The following LRP1B variants were observed in gnomAD, a reference collection of about 807,000 sequenced individuals.
LRP1B encodes the protein low-density lipoprotein receptor-related protein 1B.
Under a neutral mutation model 556.6 loss-of-function variants are expected in LRP1B, and 217 were observed. The observed-to-expected ratio is 0.39, with a 90% CI of 0.35 to 0.44. LRP1B has a LOEUF of 0.44. Among genes scored for constraint, LRP1B ranks in the 20% least tolerant of loss-of-function variants. LRP1B has a pLI of 1.00. For synonymous variants in LRP1B, 2,047 were observed against 1,865.8 expected (o/e 1.10, Z -2.50); for missense variants, 5,053 against 5,620.8 (o/e 0.90, Z 3.23).
intron 43 of LRP1B, among the ~76,000 whole-genome samples, chr2:140,583,618 C>T (rs1681868655): frequency 6.6e-6 from 1 of 151,876 alleles, no homozygotes; most frequent in Non-Finnish European, 1.5e-5. Flanking sequence ...ATCTTACTGA[C>T]TTTAGTTTTA....
chr2:142,037,093 G>T (rs1204526532), intron 1 of LRP1B, among the ~76,000 whole-genome samples: 1 of 151,526 alleles, frequency 6.6e-6, no homozygotes, highest in African/African-American at 2.4e-5. Flanking sequence ...CTTTATTCAC[G>T]TTCATAAATG....
chr2:140,452,385 A>T lies in LRP1B; in HGVS notation c.9964-1724T>A, dbSNP rs1001632100. ...AGCTGCCACTAAAAAAATTCACTTG[A>T]AATTAGTTAAACCAAGCGGTATATA... On this transcript the variant is annotated intron_variant, in intron 62 of 90. Transcript: ENST00000389484. Among the ~76,000 whole-genome samples the T allele has an allele frequency of 2.0e-5, 3 of 152,136 alleles. No homozygotes were observed. In the South Asian group the frequency reaches 6.2e-4, roughly 31 times the overall value.
intron 3 of LRP1B, among the ~76,000 whole-genome samples, chr2:141,476,215 T>C (rs1195245727): frequency 6.6e-6 from 1 of 151,952 alleles, no homozygotes; most frequent in Non-Finnish European, 1.5e-5. Flanking sequence ...GGGAGGGGAG[T>C]CAGGGAACTC....
intron 1 of LRP1B, among the ~76,000 whole-genome samples, chr2:141,937,268 T>C (rs919528876): frequency 2.0e-5 from 3 of 151,596 alleles, no homozygotes; most frequent in Non-Finnish European, 4.4e-5. Context: ...TCCCAGCTAC[T>C]GGGAGAGGCT....
chr2:140,287,634 T>C (rs1446979894), intron 84 of LRP1B, among the ~76,000 whole-genome samples: 1 of 123,722 alleles, frequency 8.1e-6, no homozygotes. Flanking sequence ...TCAAGGGATA[T>C]TGCAAGTAAA....
intron 2 of LRP1B, among the ~76,000 whole-genome samples, chr2:141,689,727 G>A (rs1381414710): frequency 3.3e-5 from 5 of 151,588 alleles, no homozygotes; most frequent in Non-Finnish European, 7.4e-5. Flanking sequence ...CCTTGATAAA[G>A]GTTGTTTAAT....
intron 1 of LRP1B, among the ~76,000 whole-genome samples, chr2:142,081,534 A>C (rs1705716377): frequency 6.6e-6 from 1 of 152,346 alleles, no homozygotes; most frequent in Admixed American, 6.5e-5. Flanking sequence ...TGAAACACAA[A>C]GGAGAGAACA....
chr2:142,105,008 CTA>C (rs1273559757), intron 1 of LRP1B, among the ~76,000 whole-genome samples: 1 of 152,096 alleles, frequency 6.6e-6, no homozygotes, highest in Non-Finnish European at 1.5e-5. Context: ...AGTTCACAGT[CTA>C]AGAGAAAAAA....
chr2:141,077,800 ATC>A (rs1166791919), intron 7 of LRP1B, among the ~76,000 whole-genome samples: 1 of 151,930 alleles, frequency 6.6e-6, no homozygotes, highest in Non-Finnish European at 1.5e-5. Flanking sequence ...CTTAAAAGAA[ATC>A]TCTCTATATT....
intron 2 of LRP1B, among the ~76,000 whole-genome samples, chr2:141,620,228 C>T (rs1184862669): frequency 1.3e-5 from 2 of 152,222 alleles, no homozygotes; most frequent in African/African-American, 4.8e-5. Flanking sequence ...CATGAGTCAC[C>T]ATGCCCAGCC....
At chr2:140,456,689 C>A (rs1687121566) in intron 61 of LRP1B, 86 bp from the exon 62 acceptor site, 1 of 1,189,966 alleles carries the variant, frequency 8.4e-7, no homozygotes, top group Non-Finnish European at 1.2e-6. Flanking sequence ...GACTTTTAAG[C>A]TGCATAACTT....
At chr2:140,775,170 A>T (rs1689448775) in intron 33 of LRP1B, among the ~76,000 whole-genome samples, 1 of 152,024 alleles carries the variant, frequency 6.6e-6, no homozygotes, top group South Asian at 2.1e-4. Context: ...GCAAATCCTA[A>T]TCTGATCTCC....
At chr2:141,201,612 CAT>C (rs760927701) in intron 6 of LRP1B, among the ~76,000 whole-genome samples, 17 of 152,090 alleles carry the variant, frequency 1.1e-4, no homozygotes, top group African/African-American at 2.7e-4. Context: ...ATAATTATTA[CAT>C]ATGTTTTTAT....
intron 87 of LRP1B, among the ~76,000 whole-genome samples, chr2:140,242,214 C>A (rs1680977454): frequency 6.6e-6 from 1 of 151,060 alleles, no homozygotes; most frequent in South Asian, 2.1e-4. Flanking sequence ...ATATGGGTAT[C>A]ATCATTAATA....
At chr2:140,540,894 A>C (rs1198895546) in intron 45 of LRP1B, 79 bp downstream of exon 45, 6 of 1,454,678 alleles carry the variant, frequency 4.1e-6, no homozygotes, top group Non-Finnish European at 5.6e-6. Flanking sequence ...AACTTCATGA[A>C]TACACTAACA....
At position 140,502,927 on chromosome 2, in the gene LRP1B, T is replaced by G. The variant is rs376160084; in HGVS notation, c.8662+36A>C. On this transcript the variant is annotated intron_variant, in intron 54 of 90. Transcript: ENST00000389484. The stretch of plus-strand genomic sequence containing the variant: ...ATCACAATTTTTCCATTGAAAACAC[T>G]TTAGAGTAAATGCGGTATTGTATAT... The G allele has an allele frequency of 3.7e-6, 6 of 1,603,196 alleles. No homozygotes were observed. The African/African-American group carries it at 8.0e-5, about 21-fold the overall frequency.
chr2:142,061,194 G>T, intron 1 of LRP1B, among the ~76,000 whole-genome samples: 1 of 151,902 alleles, frequency 6.6e-6, no homozygotes, highest in Non-Finnish European at 1.5e-5. Flanking sequence ...TCAGAATAAA[G>T]AGTAAAGCAA....
chr2:140,734,421 G>A (rs1687879828), intron 35 of LRP1B, among the ~76,000 whole-genome samples: 1 of 152,170 alleles, frequency 6.6e-6, no homozygotes, highest in South Asian at 2.1e-4. Context: ...TGAGGTTGGA[G>A]GGATGAATTG....
At chr2:140,554,390 A>C (rs1680653148) in intron 43 of LRP1B, among the ~76,000 whole-genome samples, 1 of 152,134 alleles carries the variant, frequency 6.6e-6, no homozygotes, top group Admixed American at 6.6e-5. Context: ...ACATTTAAAC[A>C]GTTTGTGATT....
Sources: gnomAD v4.1 joint callset for allele counts (sites outside exome capture counted in the v4.1 genomes callset) on GRCh38, gnomAD v4.1.1 for gene constraint, MANE v1.5 for transcripts, NCBI Gene and HGNC (gene_info 2026-07-23, HGNC 2026-07-21) for gene names.